The following SLC25A23 variants were observed in gnomAD, a reference collection of about 807,000 sequenced individuals.
SLC25A23 encodes solute carrier family 25 member 23, also known as mitochondrial adenyl nucleotide antiporter SLC25A23.
In SLC25A23, 32 loss-of-function variants were observed where a neutral mutation model predicts 53.9. The ratio of observed to expected loss-of-function variants is 0.59; its 90% CI spans 0.45 to 0.80. The LOEUF (loss-of-function observed/expected upper bound fraction) is 0.80. Ranked by LOEUF, SLC25A23 falls within the 30% of genes least tolerant of loss-of-function variation. The probability of loss-of-function intolerance (pLI) is 0.00; values close to 1 mark genes in which losing one functional copy is unlikely to be tolerated. For missense variants in SLC25A23, 575 were observed against 651.4 expected (o/e 0.88, Z 1.28); for synonymous variants, 275 against 264.5 (o/e 1.04, Z -0.38).
Position 6,456,457 on chromosome 19 carries a change from T to G in SLC25A23, c.446A>C (p.Asn149Thr), listed in dbSNP as rs773093918. ...RDHFLLHSLE[N>T]VEDVLYFWKH... ...CCAGAAATACAGCACGTCCTCCACA[T>G]TTTCCAGCGAATGCAACAGGAAGTG... Residue 149 changes from asparagine to threonine, a missense_variant, in exon 4 of 10, where the codon AAT (asparagine) becomes ACT (threonine). Physicochemically the swap from Asn to Thr is moderately conservative, Grantham distance 65. Transcript: ENST00000301454. 6.2e-7 allele frequency: 1 copy of G among 1,613,874 alleles called. No individual in the cohort carries two copies. Among genetic ancestry groups the G allele is most frequent in the Admixed American group, 1.7e-5 (1 of 60,018 alleles).
Position 6,458,189 on chromosome 19 carries a change from C to G in SLC25A23, c.283+9G>C. On this transcript the variant is annotated intron_variant, in intron 2 of 9. Coordinates refer to ENST00000301454, the MANE Select transcript of SLC25A23 (RefSeq NM_024103.3). ...CCTTGGGGCCTGCAGGCAGGTCGCC[C>G]GACCTTACCATCCTGGTTCCGGTCA... The G allele has an allele frequency of 1.9e-6, 3 of 1,612,718 alleles. No homozygotes were observed. The highest frequency in any genetic ancestry group is 2.5e-6 in the Non-Finnish European group (3 of 1,179,764).
chr19:6,439,204 A>G (rs1221778544), downstream of SLC25A23, among the ~76,000 whole-genome samples: 1 of 152,038 alleles, frequency 6.6e-6, no homozygotes, highest in Non-Finnish European at 1.5e-5. Context: ...TGGGTGACAG[A>G]GCGAGACCCT....
chr19:6,450,103 C>A (rs2092567304), intron 8 of SLC25A23, among the ~76,000 whole-genome samples: 1 of 152,002 alleles, frequency 6.6e-6, no homozygotes, highest in Admixed American at 6.6e-5. Flanking sequence ...GGTGATCCAC[C>A]GGCCTCGGCT....
At position 6,441,080 on chromosome 19, in the gene SLC25A23, C is replaced by G. The variant is rs762965215; in HGVS notation, c.*895G>C. The G allele has an allele frequency of 2.0e-5, 3 of 152,098 alleles. No homozygotes were observed. Among genetic ancestry groups the G allele is most frequent in the Non-Finnish European group, 4.4e-5 (3 of 68,020 alleles). The allele number at this position is 152,098 out of a possible 1,614,324, so 9.4% of individuals were successfully genotyped here. ...GGGGCCCCCGCACTTGTTTTAGGAG[C>G]CAGAATCTGGTGGGTGAAGGCTTGG... On this transcript the variant is annotated 3_prime_UTR_variant, in exon 10 of 10. Coordinates refer to ENST00000301454, the MANE Select transcript of SLC25A23 (RefSeq NM_024103.3).
chr19:6,446,217 A>T (rs1416465063), intron 8 of SLC25A23, among the ~76,000 whole-genome samples: 1 of 152,056 alleles, frequency 6.6e-6, no homozygotes, highest in African/African-American at 2.4e-5. Context: ...TACCAAAATT[A>T]GCCGGTGTGG....
chr19:6,448,112 C>T (rs971027994), intron 8 of SLC25A23, among the ~76,000 whole-genome samples: 1 of 152,194 alleles, frequency 6.6e-6, no homozygotes, highest in Non-Finnish European at 1.5e-5. Context: ...TGGCTAATCC[C>T]TTCTGAAGCC....
chr19:6,453,593 C>T (rs543983262), intron 7 of SLC25A23, among the ~76,000 whole-genome samples: 1 of 152,238 alleles, frequency 6.6e-6, no homozygotes, highest in African/African-American at 2.4e-5. Flanking sequence ...CACTTCATAA[C>T]CTGAAACCTG....
At position 6,452,360 on chromosome 19, in the gene SLC25A23, G is replaced by T; in HGVS notation, c.1023C>A (p.Asn341Lys). The change falls in exon 8 of 10, where the codon AAC becomes AAA. Residue 341 changes from asparagine to lysine, a missense_variant. Asn to Lys is a moderately conservative substitution (Grantham distance 94). Transcript: ENST00000301454. ...PRAFYRGYLP[N>K]VLGIIPYAGI... Reference sequence around the variant, plus strand: ...CCGCATAGGGGATGATGCCCAGCACGTTGGGGAGGTAGCCGCGGTAGAAGG... The same window carrying T: ...CCGCATAGGGGATGATGCCCAGCACTTTGGGGAGGTAGCCGCGGTAGAAGG... The T allele has an allele frequency of 6.2e-7, 1 of 1,613,742 alleles. No homozygotes were observed. The highest frequency in any genetic ancestry group is 8.5e-7 in the Non-Finnish European group (1 of 1,179,878).
intron 8 of SLC25A23, among the ~76,000 whole-genome samples, chr19:6,451,585 C>T (rs2092592156): frequency 6.6e-6 from 1 of 151,998 alleles, no homozygotes; most frequent in African/African-American, 2.4e-5. Flanking sequence ...TTGGGGGAGA[C>T]CTGGTGATCC....
intron 8 of SLC25A23, among the ~76,000 whole-genome samples, chr19:6,450,804 G>T (rs968946528): frequency 6.6e-6 from 1 of 152,156 alleles, no homozygotes; most frequent in East Asian, 1.9e-4. Context: ...TATTGGCCAG[G>T]TGTGGTGGCT....
chr19:6,459,618 C>T lies in SLC25A23; in HGVS notation c.11G>A (p.Ser4Asn), dbSNP rs752965446. The change falls in exon 1 of 10, where the codon AGC becomes AAC. Residue 4 changes from serine to asparagine, a missense_variant. By Grantham distance (46) the Ser-to-Asn change is conservative. Transcript: ENST00000301454. The surrounding 1 kb of genome is among the most constrained non-coding windows in gnomAD (Gnocchi z 4.6). ...CTGCCGCCGCTCCGCGTCGCCCGGG[C>T]TCCCCCGCATGGCGCCCGCCCGGGG... is the stretch of plus-strand genomic sequence containing the variant. MRG[S>N]PGDAERRQRW... is the part of the protein sequence containing the mutation. 4 of 1,517,620 alleles carry T rather than the reference C, an allele frequency of 2.6e-6. No individual in the cohort carries two copies. In the East Asian group the frequency reaches 1.1e-4, roughly 41 times the overall value. 94.0% of individuals were successfully genotyped at this position (1,517,620 alleles called of 1,614,324 possible). A position where few individuals can be genotyped will look rare whatever the true frequency, so the allele number is the denominator to read the frequency against.
chr19:6,458,282 C>T lies in SLC25A23; in HGVS notation c.199G>A (p.Asp67Asn), dbSNP rs183006878. 3.4e-5 allele frequency: 55 copies of T among 1,613,334 alleles called. No homozygotes were observed. In the East Asian group the frequency reaches 3.8e-4, roughly 11 times the overall value. ...EGDADPDGGL[D>N]LEEFSRYLQE... ...AGATAGCGGGAAAATTCCTCCAGGT[C>T]GAGCCCGCCATCTGGGTCAGCATCA... Residue 67 changes from aspartate to asparagine, a missense_variant, in exon 2 of 10, where the codon GAC becomes AAC. Physicochemically the swap from Asp to Asn is conservative, Grantham distance 23 (BLOSUM62 1). Coordinates refer to ENST00000301454, the MANE Select transcript of SLC25A23 (RefSeq NM_024103.3).
chr19:6,449,857 C>G (rs1026033722), intron 8 of SLC25A23, among the ~76,000 whole-genome samples: 4 of 127,164 alleles, frequency 3.1e-5, no homozygotes, highest in Admixed American at 2.4e-4. Context: ...ACTCACAACT[C>G]TTTTTTTTTT....
rs1341041539 is a variant in SLC25A23, at chr19:6,455,000, C to T, written c.484-283G>A. Reference sequence around the variant, plus strand: ...ATTCAAGTATCTGCCACATAAAGATCCCTCCAGGCTAGATGTGATGCCTCA... The same window carrying T: ...ATTCAAGTATCTGCCACATAAAGATTCCTCCAGGCTAGATGTGATGCCTCA... On this transcript the variant is annotated intron_variant, in intron 4 of 9. Transcript: ENST00000301454. The surrounding 1 kb of genome is among the most constrained non-coding windows in gnomAD (Gnocchi z 4.3). Among the ~76,000 whole-genome samples the T allele has an allele frequency of 6.6e-6, 1 of 152,176 alleles. No individual in the cohort carries two copies. Among genetic ancestry groups the T allele is most frequent in the Non-Finnish European group, 1.5e-5 (1 of 68,034 alleles).
intron 8 of SLC25A23, among the ~76,000 whole-genome samples, chr19:6,446,112 C>T (rs2092500786): frequency 6.6e-6 from 1 of 151,432 alleles, no homozygotes. Context: ...ACTGGTAATC[C>T]CAGTGCTTTG....
rs755422450 is a variant in SLC25A23 at position 6,459,605 on chromosome 19, C to T, written c.24G>A (p.Ala8=). The T allele has an allele frequency of 9.4e-5, 144 of 1,527,882 alleles. 1 individual carries two copies. The East Asian group carries it at 3.7e-3, about 40-fold the overall frequency. 94.6% of individuals were successfully genotyped at this position (1,527,882 alleles called of 1,614,324 possible). Residue 8 remains alanine, a synonymous_variant, in exon 1 of 10, where the codon GCG becomes GCA. Coordinates refer to ENST00000301454, the MANE Select transcript of SLC25A23 (RefSeq NM_024103.3). This position sits in a 1 kb window ranked among gnomAD's most constrained non-coding sequence, Gnocchi z 4.6. The part of the protein sequence containing the change: MRGSPGD[A]ERRQRWGRLF... ...GGCGACCCCAGCGCTGCCGCCGCTC[C>T]GCGTCGCCCGGGCTCCCCCGCATGG...
chr19:6,452,380 A>G lies in SLC25A23; in HGVS notation c.1003T>C (p.Tyr335His), dbSNP rs1249582211. ...AGCACGTTGGGGAGGTAGCCGCGGT[A>G]GAAGGCACGGGGCCCCTCCCTCTCC... ...ILEREGPRAF[Y>H]RGYLPNVLGI... is the part of the protein sequence containing the mutation. Residue 335 changes from tyrosine to histidine, a missense_variant, in exon 8 of 10, where the codon TAC becomes CAC. Tyr to His is a moderately conservative substitution (Grantham distance 83). Coordinates refer to ENST00000301454, the MANE Select transcript of SLC25A23 (RefSeq NM_024103.3). The G allele has an allele frequency of 1.9e-6, 3 of 1,613,754 alleles. No individual in the cohort carries two copies. The highest frequency in any genetic ancestry group is 1.7e-5 in the Admixed American group (1 of 59,990).
At chr19:6,456,994 G>C (rs2092690761) in intron 3 of SLC25A23, among the ~76,000 whole-genome samples, 1 of 151,662 alleles carries the variant, frequency 6.6e-6, no homozygotes. Context: ...CCCTCATTTT[G>C]TAGAGGGGGA....
At chr19:6,458,143 T>A in intron 2 of SLC25A23, 55 bp downstream of exon 2, 1 of 1,596,358 alleles carries the variant, frequency 6.3e-7, no homozygotes. Context: ...CTGATGTCTC[T>A]AGGGCCCCCA....
Sources: gnomAD v4.1 joint callset for allele counts (sites outside exome capture counted in the v4.1 genomes callset) on GRCh38, gnomAD v4.1.1 for gene constraint, Gnocchi (gnomAD v3.1) non-coding constraint, MANE v1.5 for transcripts, NCBI Gene and HGNC (gene_info 2026-07-23, HGNC 2026-07-21) for gene names.